GALNT13: variants seen among roughly 807,000 people sequenced by gnomAD.
GALNT13 encodes the protein UDP-GalNAc:polypeptide N-acetylgalactosaminyltransferase 13.
In GALNT13, 28 loss-of-function variants were observed where a neutral mutation model predicts 64.2. The ratio of observed to expected loss-of-function variants is 0.44; its 90% CI spans 0.32 to 0.60. The LOEUF is 0.60. GALNT13 is among the 20% of genes least tolerant of loss of function. The probability of loss-of-function intolerance (pLI) is 0.05; values close to 1 mark genes in which losing one functional copy is unlikely to be tolerated. For synonymous variants in GALNT13, 214 were observed against 224.6 expected (o/e 0.95, Z 0.42); for missense variants, 577 against 669.8 (o/e 0.86, Z 1.53).
chr2:153,587,419 G>A, the GALNT13 span, among the ~76,000 whole-genome samples: 1 of 152,112 alleles, frequency 6.6e-6, no homozygotes, highest in Non-Finnish European at 1.5e-5. Context: ...AAAGAAAGAG[G>A]TTTAATAGAC....
At chr2:154,014,136 A>G (rs566207308) in intron 3 of GALNT13, among the ~76,000 whole-genome samples, 1 of 152,308 alleles carries the variant, frequency 6.6e-6, no homozygotes, top group South Asian at 2.1e-4. Flanking sequence ...TGCAAAAGCC[A>G]CTTAGAGGAG....
chr2:153,910,697 A>C (rs1688879724), intron 2 of GALNT13, among the ~76,000 whole-genome samples: 1 of 152,096 alleles, frequency 6.6e-6, no homozygotes, highest in Non-Finnish European at 1.5e-5. Flanking sequence ...TATTTACCCC[A>C]AATCATTCTG....
At chr2:153,096,216 G>A in the GALNT13 span, among the ~76,000 whole-genome samples, 1 of 151,956 alleles carries the variant, frequency 6.6e-6, no homozygotes, top group Admixed American at 6.6e-5. Flanking sequence ...ACTGTGGTCA[G>A]AGAAGATACT....
intron 11 of GALNT13, among the ~76,000 whole-genome samples, chr2:154,424,593 G>A (rs1453408224): frequency 6.6e-6 from 1 of 152,032 alleles, no homozygotes; most frequent in African/African-American, 2.4e-5. Context: ...CTCCCTGGAA[G>A]CTCACCTCAA....
the GALNT13 span, among the ~76,000 whole-genome samples, chr2:153,386,077 GT>G: frequency 6.6e-6 from 1 of 151,916 alleles, no homozygotes; most frequent in Non-Finnish European, 1.5e-5. Context: ...ATTTGGGGGG[GT>G]TTTTTGTAGA....
chr2:153,721,327 G>A, the GALNT13 span, among the ~76,000 whole-genome samples: 4 of 142,272 alleles, frequency 2.8e-5, no homozygotes, highest in South Asian at 4.7e-4. Context: ...AACATGGAAA[G>A]GAACAACCAG....
At chr2:153,245,318 C>A in the GALNT13 span, among the ~76,000 whole-genome samples, 1 of 152,208 alleles carries the variant, frequency 6.6e-6, no homozygotes, top group African/African-American at 2.4e-5. Flanking sequence ...TCAATGGGTC[C>A]CTGACACCTG....
chr2:154,262,446 A>G (rs1690751769), intron 8 of GALNT13, among the ~76,000 whole-genome samples: 1 of 152,222 alleles, frequency 6.6e-6, no homozygotes, highest in African/African-American at 2.4e-5. Flanking sequence ...ATGGAAGATA[A>G]TACACATTCA....
At chr2:153,616,920 A>C in the GALNT13 span, among the ~76,000 whole-genome samples, 1 of 151,866 alleles carries the variant, frequency 6.6e-6, no homozygotes. Flanking sequence ...TTATATATGC[A>C]CCCAACATGG....
chr2:154,254,888 G>C (rs900872990), intron 7 of GALNT13, among the ~76,000 whole-genome samples: 3 of 152,108 alleles, frequency 2.0e-5, no homozygotes, highest in African/African-American at 7.2e-5. Context: ...CCCACACAAA[G>C]AGCATAGAAA....
the GALNT13 span, among the ~76,000 whole-genome samples, chr2:153,338,982 A>C: frequency 1.3e-5 from 2 of 152,200 alleles, no homozygotes; most frequent in African/African-American, 4.8e-5. Flanking sequence ...GCTGGATACT[A>C]TTCCACTCTG....
chr2:153,465,803 A>G, the GALNT13 span, among the ~76,000 whole-genome samples: 1 of 152,030 alleles, frequency 6.6e-6, no homozygotes, highest in South Asian at 2.1e-4. Context: ...AATTTATGAT[A>G]TATATGGCAA....
Position 154,242,040 on chromosome 2 carries a change from A to G in GALNT13, c.322A>G (p.Lys108Glu). 6.3e-7 allele frequency: 1 copy of G among 1,582,496 alleles called. No homozygotes were observed. The highest frequency in any genetic ancestry group is 1.7e-4 in the Middle Eastern group (1 of 5,904). Residue 108 changes from lysine to glutamate, a missense_variant, in exon 5 of 13, where the codon AAA becomes GAA. Physicochemically the swap from Lys to Glu is moderately conservative, Grantham distance 56. Transcript: ENST00000392825. ...PDVRLEGCKT[K>E]VYPDELPNTS... ...TTTTCTCTTTTTCAGATGTAAGACAAAAGTCTACCCTGATGAACTTCCAAA... is the reference window on the plus strand; with the variant it reads ...TTTTCTCTTTTTCAGATGTAAGACAGAAGTCTACCCTGATGAACTTCCAAA...
chr2:153,090,315 C>CA, the GALNT13 span, among the ~76,000 whole-genome samples: 2 of 152,184 alleles, frequency 1.3e-5, no homozygotes, highest in Admixed American at 6.5e-5. Flanking sequence ...CAAGTCTCCC[C>CA]ACTGTGGCTA....
At chr2:153,720,719 AGATGAAATG>A in the GALNT13 span, among the ~76,000 whole-genome samples, 1 of 150,758 alleles carries the variant, frequency 6.6e-6, no homozygotes, top group Non-Finnish European at 1.5e-5. Context: ...CAGCAATGGA[AGATGAAATG>A]AATGAAATGA....
chr2:153,189,352 C>G, the GALNT13 span, among the ~76,000 whole-genome samples: 81 of 152,248 alleles, frequency 5.3e-4, no homozygotes, highest in Non-Finnish European at 3.4e-4. Flanking sequence ...GCTTATTTCA[C>G]TTAACATGAT....
chr2:153,151,719 C>T, the GALNT13 span, among the ~76,000 whole-genome samples: 1 of 151,880 alleles, frequency 6.6e-6, no homozygotes, highest in Non-Finnish European at 1.5e-5. Flanking sequence ...TCTCAGCAAA[C>T]TATCGCAAGG....
intron 3 of GALNT13, among the ~76,000 whole-genome samples, chr2:153,999,065 G>A (rs573886043): frequency 4.3e-4 from 66 of 152,040 alleles, no homozygotes; most frequent in African/African-American, 1.4e-3. Flanking sequence ...ATTTCATGTG[G>A]CACCAAAAAA....
At chr2:153,177,701 A>G in the GALNT13 span, among the ~76,000 whole-genome samples, 3 of 152,256 alleles carry the variant, frequency 2.0e-5, no homozygotes, top group South Asian at 6.2e-4. Context: ...TATAACTTCA[A>G]ATACTTATCT....
Sources: allele counts gnomAD v4.1 joint callset (sites outside exome capture counted in the v4.1 genomes callset), GRCh38; gene constraint gnomAD v4.1.1; transcripts MANE v1.5; gene names NCBI Gene and HGNC (gene_info 2026-07-23, HGNC 2026-07-21).